The following MYO5A variants were observed in gnomAD, a reference collection of about 807,000 sequenced individuals.
MYO5A encodes myosin VA.
Under a neutral mutation model 249.7 loss-of-function variants are expected in MYO5A, and 98 were observed. That is an observed-to-expected ratio of 0.39 (90% CI 0.33 to 0.46). The LOEUF is 0.46. Ranked by LOEUF, MYO5A falls within the 20% of genes least tolerant of loss-of-function variation. The pLI is 0.98. For missense variants in MYO5A, 1,696 were observed against 2,308.8 expected (o/e 0.73, Z 5.44); for synonymous variants, 778 against 810.6 (o/e 0.96, Z 0.68).
chr15:52,446,253 G>A (rs1041378812), intron 1 of MYO5A, among the ~76,000 whole-genome samples: 15 of 152,212 alleles, frequency 9.9e-5, no homozygotes, highest in African/African-American at 3.6e-4. Context: ...CTTCCTGCGT[G>A]CTGGCTGCTC....
At chr15:52,505,323 G>A in intron 1 of MYO5A, 2 of 777,378 alleles carry the variant, frequency 2.6e-6, no homozygotes, top group Non-Finnish European at 4.8e-6. Context: ...CCCGCCCACT[G>A]CCTGCCGACT....
At chr15:52,326,885 C>T (rs989683197) in intron 36 of MYO5A, among the ~76,000 whole-genome samples, 5 of 152,178 alleles carry the variant, frequency 3.3e-5, no homozygotes, top group African/African-American at 1.2e-4. Flanking sequence ...CACAGCAACA[C>T]TGAGTTAAAA....
chr15:52,328,322 T>G (rs989501050), intron 35 of MYO5A, among the ~76,000 whole-genome samples: 1 of 152,182 alleles, frequency 6.6e-6, no homozygotes, highest in Non-Finnish European at 1.5e-5. Flanking sequence ...TTCTTGCTTC[T>G]CTAAGGAACC....
chr15:52,443,652 G>A (rs899056514), intron 1 of MYO5A, among the ~76,000 whole-genome samples: 2 of 149,252 alleles, frequency 1.3e-5, no homozygotes, highest in African/African-American at 4.9e-5. Flanking sequence ...AGGTTGCAGT[G>A]AGCTGAGACT....
chr15:52,441,137 C>A (rs181688023), intron 1 of MYO5A, among the ~76,000 whole-genome samples: 1 of 152,238 alleles, frequency 6.6e-6, no homozygotes, highest in Admixed American at 6.5e-5. Context: ...GTCTTTAGAG[C>A]ATGTTTTTGG....
rs1947281935 is a variant in MYO5A at position 52,313,186 on chromosome 15, T to C, written c.*510A>G. 6.1e-6 allele frequency: 1 copy of C among 162,928 alleles called. No homozygotes were observed. Among genetic ancestry groups the C allele is most frequent in the African/African-American group, 2.4e-5 (1 of 41,532 alleles). 10.1% of individuals were successfully genotyped at this position (162,928 alleles called of 1,614,324 possible). ...GAGGAATTACTTTACATATTGCCAG[T>C]TTATTTCTTTGAACCAGTTTAACAA... On this transcript the variant is annotated 3_prime_UTR_variant, in exon 42 of 42. Transcript: ENST00000399233.
Position 52,364,548 on chromosome 15 carries a change from A to G in MYO5A, c.3309+6T>C, listed in dbSNP as rs1291775851. On this transcript the variant is annotated splice_donor_region_variant and intron_variant, in intron 24 of 41. Coordinates refer to ENST00000399233, the MANE Select transcript of MYO5A (RefSeq NM_001382347.1). ...ATTAAAAAAAAAACAAAAGTGTTTG[A>G]CTCACCACCATAAGGGTCATCTCTT... 1 of 1,608,730 alleles carries G rather than the reference A, an allele frequency of 6.2e-7. No individual in the cohort carries two copies. Among genetic ancestry groups the G allele is most frequent in the East Asian group, 2.2e-5 (1 of 44,814 alleles).
chr15:52,479,947 G>C (rs2076681548), intron 1 of MYO5A, among the ~76,000 whole-genome samples: 1 of 147,584 alleles, frequency 6.8e-6, no homozygotes, highest in Non-Finnish European at 1.5e-5. Flanking sequence ...GTGTATTCCT[G>C]AAGAGATATG....
chr15:52,477,694 C>T (rs2141478287), intron 1 of MYO5A, among the ~76,000 whole-genome samples: 1 of 152,322 alleles, frequency 6.6e-6, no homozygotes, highest in African/African-American at 2.4e-5. Flanking sequence ...CCCTGTTTGC[C>T]TGGGTATCAC....
chr15:52,429,594 C>T (rs1185662716), intron 2 of MYO5A, among the ~76,000 whole-genome samples: 1 of 152,002 alleles, frequency 6.6e-6, no homozygotes, highest in African/African-American at 2.4e-5. Flanking sequence ...GAGGCTGAGC[C>T]AGGAGAATCA....
chr15:52,397,479 A>G lies in MYO5A; in HGVS notation c.1054-13T>C. The G allele has an allele frequency of 1.2e-6, 2 of 1,613,108 alleles. No individual in the cohort carries two copies. The highest frequency in any genetic ancestry group is 1.7e-6 in the Non-Finnish European group (2 of 1,179,174). On this transcript the variant is annotated splice_polypyrimidine_tract_variant and intron_variant, in intron 9 of 41. Transcript: ENST00000399233. ...GTTCATGCTTGGGCTGCCAAAAGAT[A>G]ATGAGTTATTTCCTATGACCAGATA...
intron 34 of MYO5A, among the ~76,000 whole-genome samples, chr15:52,334,649 T>C (rs974389297): frequency 2.0e-5 from 3 of 152,232 alleles, no homozygotes; most frequent in Non-Finnish European, 2.9e-5. Context: ...TAAATATTTC[T>C]GAAACTTACT....
At chr15:52,343,008 C>A in intron 31 of MYO5A, 109 bp downstream of exon 31, 1 of 884,356 alleles carries the variant, frequency 1.1e-6, no homozygotes, top group South Asian at 1.4e-5. Flanking sequence ...CTAATTTACC[C>A]AAGAAGACAA....
chr15:52,323,489 T>A (rs747576570), intron 36 of MYO5A, 45 bp from the exon 37 acceptor site: 3 of 1,451,646 alleles, frequency 2.1e-6, no homozygotes, highest in African/African-American at 2.8e-5. Flanking sequence ...CTTAGGGAAA[T>A]AACAACCTAA....
intron 1 of MYO5A, among the ~76,000 whole-genome samples, chr15:52,518,936 C>A (rs1410783281): frequency 1.3e-5 from 2 of 152,014 alleles, no homozygotes; most frequent in Non-Finnish European, 2.9e-5. Flanking sequence ...AAAGATTCAC[C>A]CTTTAGTAAC....
intron 25 of MYO5A, among the ~76,000 whole-genome samples, chr15:52,354,583 C>T (rs899556616): frequency 3.3e-5 from 5 of 152,122 alleles, no homozygotes; most frequent in Admixed American, 1.3e-4. Flanking sequence ...AGGCCGGGCA[C>T]GGTGGCTCAT....
rs1008269278 is a variant in MYO5A at position 52,311,379 on chromosome 15, A to G, written c.*2317T>C. ...ATCGGATGCTGTTAGATTCTGACAC[A>G]TTTGGTACGAACCAAATGGCTATGA... On this transcript the variant is annotated 3_prime_UTR_variant, in exon 42 of 42. Transcript: ENST00000399233. 5 of 152,332 alleles carry G rather than the reference A, an allele frequency of 3.3e-5. No individual in the cohort carries two copies. The highest frequency in any genetic ancestry group is 1.2e-4 in the African/African-American group (5 of 41,568). The allele number at this position is 152,332 out of a possible 1,614,324, so 9.4% of individuals were successfully genotyped here. A position where few individuals can be genotyped will look rare whatever the true frequency, so the allele number is the denominator to read the frequency against.
chr15:52,482,797 G>A (rs576491669), intron 1 of MYO5A, among the ~76,000 whole-genome samples: 2 of 152,170 alleles, frequency 1.3e-5, no homozygotes, highest in Non-Finnish European at 2.9e-5. Context: ...CTGAGGCCCA[G>A]ATTCCTAATT....
intron 34 of MYO5A, 110 bp downstream of exon 34, chr15:52,336,353 A>G: frequency 1.4e-6 from 1 of 705,644 alleles, no homozygotes; most frequent in African/African-American, 1.8e-5. Flanking sequence ...TTTTGTTATT[A>G]TCCCTAATAT....
Sources: allele counts gnomAD v4.1 joint callset (sites outside exome capture counted in the v4.1 genomes callset), GRCh38; gene constraint gnomAD v4.1.1; transcripts MANE v1.5; gene names NCBI Gene and HGNC (gene_info 2026-07-23, HGNC 2026-07-21).